Variants in SDK1 observed in about 807,000 individuals in gnomAD.
SDK1 encodes the protein sidekick cell adhesion molecule 1.
A neutral mutation model predicts 245.5 loss-of-function variants in SDK1; 157 were observed. That is an observed-to-expected ratio of 0.64 (90% CI 0.56 to 0.73). SDK1 has a LOEUF of 0.73. Ranked by LOEUF, SDK1 falls within the 30% of genes least tolerant of loss-of-function variation. The pLI, the probability that SDK1 is intolerant of heterozygous loss-of-function variation, is 0.00. For synonymous variants in SDK1, 1,647 were observed against 1,278.5 expected (o/e 1.29, Z -6.15); for missense variants, 3,583 against 3,002.3 (o/e 1.19, Z -4.52).
At chr7:4,034,473 CA>C (rs1426608299) in intron 17 of SDK1, among the ~76,000 whole-genome samples, 6 of 152,190 alleles carry the variant, frequency 3.9e-5, no homozygotes. Context: ...CACTCTCAAA[CA>C]GTTTTTAATG....
chr7:3,661,189 A>AACTAATTG (rs1783343373), intron 4 of SDK1, among the ~76,000 whole-genome samples: 2 of 152,254 alleles, frequency 1.3e-5, no homozygotes, highest in Non-Finnish European at 1.5e-5. Context: ...TACTTTGAAC[A>AACTAATTG]ACTAATTGAC....
rs146832038 is a variant in SDK1, at chr7:4,214,779, A to G, written c.5539+4617A>G. 7.3e-3 allele frequency among the ~76,000 whole-genome samples: 1,108 copies of G among 152,250 alleles called. 12 individuals carry two copies. Among genetic ancestry groups the G allele is most frequent in the African/African-American group, 0.025 (1,050 of 41,562 alleles). ...ACATGAGGCGTCCAGCCCCCACCCAATGGCCTTATAGAGCTTCCTCTAGAC... is the reference window on the plus strand; with the variant it reads ...ACATGAGGCGTCCAGCCCCCACCCAGTGGCCTTATAGAGCTTCCTCTAGAC... On this transcript the variant is annotated intron_variant, in intron 38 of 44. Transcript: ENST00000404826.
chr7:3,548,312 C>G (rs1020829658), intron 1 of SDK1, among the ~76,000 whole-genome samples: 1 of 152,068 alleles, frequency 6.6e-6, no homozygotes, highest in African/African-American at 2.4e-5. Flanking sequence ...ACACTGTATA[C>G]AAAAATTAAT....
chr7:3,681,901 A>G (rs1219468069), intron 4 of SDK1, among the ~76,000 whole-genome samples: 1 of 152,120 alleles, frequency 6.6e-6, no homozygotes, highest in African/African-American at 2.4e-5. Context: ...TTTATTTTTC[A>G]TATTTTGGAA....
chr7:3,921,028 A>G (rs537856382), intron 5 of SDK1, among the ~76,000 whole-genome samples: 5 of 152,328 alleles, frequency 3.3e-5, no homozygotes, highest in Admixed American at 6.5e-5. Flanking sequence ...TGAGATATAA[A>G]CTAGGTACTA....
intron 1 of SDK1, among the ~76,000 whole-genome samples, chr7:3,344,520 A>G (rs1251125380): frequency 6.6e-6 from 1 of 152,242 alleles, no homozygotes; most frequent in African/African-American, 2.4e-5. Flanking sequence ...GAAGCTTAAA[A>G]GAAGAATTGT....
chr7:3,771,574 CTT>C (rs941334081), intron 4 of SDK1, among the ~76,000 whole-genome samples: 1 of 152,116 alleles, frequency 6.6e-6, no homozygotes, highest in African/African-American at 2.4e-5. Context: ...AGTCATTTCT[CTT>C]TGATTCATAG....
chr7:4,037,234 A>T lies in SDK1; in HGVS notation c.2603-12114A>T, dbSNP rs28596773. ...ACCAAAGACGAACTTCATCTAGAAG[A>T]TCATTAAATCGAACAAGCTTCGACT... On this transcript the variant is annotated intron_variant, in intron 17 of 44. Transcript: ENST00000404826. 8.0e-3 allele frequency among the ~76,000 whole-genome samples: 1,213 copies of T among 152,348 alleles called. 20 individuals are homozygous for T. The highest frequency in any genetic ancestry group is 0.027 in the African/African-American group (1,142 of 41,578).
rs1347598041 is a variant in SDK1 at position 3,524,081 on chromosome 7, G to T, written c.299-94999G>T. ...GGTTCGTTCAACAAATATTGCCTGA[G>T]AAGAAGACATTTAAGCAAAGACCTG... On this transcript the variant is annotated intron_variant, in intron 1 of 44. Coordinates refer to ENST00000404826, the MANE Select transcript of SDK1 (RefSeq NM_152744.4). 3.3e-5 allele frequency among the ~76,000 whole-genome samples: 5 copies of T among 152,144 alleles called. No homozygotes were observed. In the East Asian group the frequency reaches 7.7e-4, roughly 23 times the overall value.
At chr7:3,914,644 A>G (rs954952516) in intron 5 of SDK1, among the ~76,000 whole-genome samples, 1 of 152,196 alleles carries the variant, frequency 6.6e-6, no homozygotes, top group Non-Finnish European at 1.5e-5. Flanking sequence ...CTCTTATTGC[A>G]AAATGATTTT....
rs111930448 is a variant in SDK1, at chr7:3,764,925, A to G, written c.714-56525A>G. Among the ~76,000 whole-genome samples, 1,029 of 152,210 alleles carry G rather than the reference A, an allele frequency of 6.8e-3. 16 individuals are homozygous for G. The highest frequency in any genetic ancestry group is 0.023 in the African/African-American group (956 of 41,544). ...CTTTTACTTTGTTTTGGAAAGTATT[A>G]TTTTTCATAAAACATGTTATATAGT... is the stretch of plus-strand genomic sequence containing the variant. On this transcript the variant is annotated intron_variant, in intron 4 of 44. Transcript: ENST00000404826.
chr7:3,749,110 A>T (rs1376329979), intron 4 of SDK1, among the ~76,000 whole-genome samples: 1 of 152,158 alleles, frequency 6.6e-6, no homozygotes, highest in East Asian at 1.9e-4. Flanking sequence ...AGATAAGTAC[A>T]TGAAAGAAGG....
intron 1 of SDK1, among the ~76,000 whole-genome samples, chr7:3,447,393 C>G (rs1780371870): frequency 6.6e-6 from 1 of 151,678 alleles, no homozygotes; most frequent in Non-Finnish European, 1.5e-5. Context: ...TCTCTTCATA[C>G]TCTTCCCCAT....
chr7:3,530,573 A>G (rs1783307948), intron 1 of SDK1, among the ~76,000 whole-genome samples: 1 of 152,226 alleles, frequency 6.6e-6, no homozygotes, highest in South Asian at 2.1e-4. Context: ...TAGAATGAAC[A>G]ACAGAAGGAG....
At chr7:3,897,731 A>G (rs1462511275) in intron 5 of SDK1, among the ~76,000 whole-genome samples, 1 of 136,840 alleles carries the variant, frequency 7.3e-6, no homozygotes, top group African/African-American at 3.4e-5. Context: ...ATGTAGTTCA[A>G]CTTGTTTTTA....
intron 1 of SDK1, among the ~76,000 whole-genome samples, chr7:3,555,735 A>G (rs956430912): frequency 3.3e-5 from 5 of 152,202 alleles, no homozygotes; most frequent in African/African-American, 9.7e-5. Context: ...AAAATATTTA[A>G]TAATCTGATT....
chr7:4,252,777 G>C (rs897408610), intron 44 of SDK1, among the ~76,000 whole-genome samples: 8 of 149,626 alleles, frequency 5.3e-5, no homozygotes, highest in African/African-American at 2.0e-4. Context: ...GTGGGAAATT[G>C]TTAATTACTA....
At chr7:3,424,990 C>G (rs1376270268) in intron 1 of SDK1, among the ~76,000 whole-genome samples, 1 of 152,080 alleles carries the variant, frequency 6.6e-6, no homozygotes, top group Non-Finnish European at 1.5e-5. Context: ...CAGGGCTGAC[C>G]AAAGCCATTT....
intron 17 of SDK1, among the ~76,000 whole-genome samples, chr7:4,019,398 A>T (rs1786684969): frequency 6.6e-6 from 1 of 152,048 alleles, no homozygotes; most frequent in South Asian, 2.1e-4. Flanking sequence ...TTCAGAGGAG[A>T]TTTGGCGAGG....
Sources: allele counts gnomAD v4.1 joint callset (sites outside exome capture counted in the v4.1 genomes callset), GRCh38; gene constraint gnomAD v4.1.1; transcripts MANE v1.5; gene names NCBI Gene and HGNC (gene_info 2026-07-23, HGNC 2026-07-21).